The following SORCS2 variants were observed in gnomAD, a reference collection of about 807,000 sequenced individuals.
The protein encoded by SORCS2 is VPS10 domain-containing receptor SorCS2.
In SORCS2, 100 loss-of-function variants were observed where a neutral mutation model predicts 141.6. That is an observed-to-expected ratio of 0.71 (90% CI 0.60 to 0.83). The LOEUF is 0.83. Ranked by LOEUF, SORCS2 falls within the 40% of genes least tolerant of loss-of-function variation. The pLI, the probability that SORCS2 is intolerant of heterozygous loss-of-function variation, is 0.00. For missense variants in SORCS2, 1,646 were observed against 1,560.2 expected, an observed-to-expected ratio of 1.05 and a Z score of -0.93; for synonymous variants, 789 against 676.9, an observed-to-expected ratio of 1.17 and a Z score of -2.57.
chr4:7,528,051 CTG>C (rs373085711), intron 2 of SORCS2, among the ~76,000 whole-genome samples: 9 of 150,600 alleles, frequency 6.0e-5, no homozygotes, highest in Non-Finnish European at 8.9e-5. Flanking sequence ...CTGTCTCTCT[CTG>C]TCTCTCTCTC....
chr4:7,367,318 G>C (rs1163908252), intron 1 of SORCS2, among the ~76,000 whole-genome samples: 1 of 152,248 alleles, frequency 6.6e-6, no homozygotes, highest in Non-Finnish European at 1.5e-5. Flanking sequence ...ACGTCAAACA[G>C]AGTGGGGAAG....
chr4:7,434,037 C>T (rs1454448809), intron 2 of SORCS2: 3 of 1,611,438 alleles, frequency 1.9e-6, no homozygotes, highest in Non-Finnish European at 2.5e-6. Flanking sequence ...CGCTCTGTTT[C>T]CTTGGCAACC....
intron 1 of SORCS2, among the ~76,000 whole-genome samples, chr4:7,358,056 C>T (rs945172253): frequency 6.6e-6 from 1 of 152,176 alleles, no homozygotes; most frequent in Non-Finnish European, 1.5e-5. Flanking sequence ...GCTCAAGTTT[C>T]TAAGAGTGGC....
intron 2 of SORCS2, among the ~76,000 whole-genome samples, chr4:7,413,501 C>A (rs937955943): frequency 1.4e-5 from 2 of 143,100 alleles, no homozygotes; most frequent in Admixed American, 1.5e-4. Flanking sequence ...TCAAGTGATT[C>A]CCCTGCCTCA....
At chr4:7,470,269 C>T (rs1001171876) in intron 2 of SORCS2, among the ~76,000 whole-genome samples, 9 of 151,906 alleles carry the variant, frequency 5.9e-5, no homozygotes, top group Admixed American at 1.3e-4. Flanking sequence ...ATCCTCCCAT[C>T]CTGCCATCCT....
intron 1 of SORCS2, among the ~76,000 whole-genome samples, chr4:7,302,275 G>A (rs1447389520): frequency 1.3e-5 from 2 of 152,208 alleles, no homozygotes; most frequent in African/African-American, 2.4e-5. Context: ...GTGCCTGCCC[G>A]CAAGTAGCTT....
chr4:7,645,046 G>C (rs1282787574), intron 4 of SORCS2, among the ~76,000 whole-genome samples: 2 of 152,252 alleles, frequency 1.3e-5, no homozygotes, highest in African/African-American at 4.8e-5. Context: ...CGTCGTAAAC[G>C]CAAGCGCATG....
At chr4:7,248,790 C>A (rs547518101) in intron 1 of SORCS2, among the ~76,000 whole-genome samples, 1 of 152,308 alleles carries the variant, frequency 6.6e-6, no homozygotes, top group African/African-American at 2.4e-5. Context: ...GACAAATGTT[C>A]CAGAGATTGG....
chr4:7,740,303 C>G lies in SORCS2; in HGVS notation c.*39C>G, dbSNP rs368068114. 89 of 1,582,166 alleles carry G rather than the reference C, an allele frequency of 5.6e-5. No individual in the cohort carries two copies. The highest frequency in any genetic ancestry group is 4.0e-4 in the African/African-American group (30 of 74,344). On this transcript the variant is annotated 3_prime_UTR_variant, in exon 27 of 27. Transcript: ENST00000507866. ...TCTGTCTTTTCACCCACGGAGGGCA[C>G]AGAACCACCAGCAAAGCCGGCGGCT...
chr4:7,549,312 T>C (rs1040443993), intron 3 of SORCS2, among the ~76,000 whole-genome samples: 1 of 152,144 alleles, frequency 6.6e-6, no homozygotes, highest in Non-Finnish European at 1.5e-5. Context: ...GATTTGAAGC[T>C]TGAAAGGAAC....
At chr4:7,294,707 C>T (rs1179834906) in intron 1 of SORCS2, among the ~76,000 whole-genome samples, 3 of 115,778 alleles carry the variant, frequency 2.6e-5, no homozygotes, top group East Asian at 2.7e-4. Flanking sequence ...TCTCCCTCCC[C>T]TCCTCCTCTC....
intron 1 of SORCS2, among the ~76,000 whole-genome samples, chr4:7,361,128 A>G (rs553443106): frequency 1.3e-5 from 2 of 152,288 alleles, no homozygotes; most frequent in African/African-American, 2.4e-5. Context: ...TCTTCCTCAC[A>G]TAGGCCCTGT....
rs374977419 is a variant in SORCS2, at chr4:7,734,300, C to A, written c.3237C>A (p.Gly1079=). 1.1e-4 allele frequency: 171 copies of A among 1,603,290 alleles called. No individual in the cohort carries two copies. Among genetic ancestry groups the A allele is most frequent in the Non-Finnish European group, 1.4e-4 (162 of 1,176,014 alleles). Residue 1079 remains glycine (G), a synonymous_variant, in exon 25 of 27, where the codon GGC becomes GGA. Transcript: ENST00000507866. ...CTGAGCAGCTGGGCGGCGGTGGCGG[C>A]TACTGGGCGGTAGTGGTGCTGTTTG... is the stretch of plus-strand genomic sequence containing the variant. ...TGAEQLGGGG[G]YWAVVVLFVI...
intron 1 of SORCS2, among the ~76,000 whole-genome samples, chr4:7,269,590 G>A (rs184690836): frequency 0.012 from 1,870 of 152,318 alleles, 25 homozygotes; most frequent in Non-Finnish European, 0.016. Context: ...CGAAGGAGAA[G>A]GCTATGTGAA....
intron 2 of SORCS2, among the ~76,000 whole-genome samples, chr4:7,476,506 A>ATGAC (rs564711194): frequency 6.6e-6 from 1 of 152,124 alleles, no homozygotes; most frequent in African/African-American, 2.4e-5. Flanking sequence ...CAGCGCCTGG[A>ATGAC]TGACTGCTTG....
chr4:7,238,208 T>A (rs997153949), intron 1 of SORCS2, among the ~76,000 whole-genome samples: 3 of 152,184 alleles, frequency 2.0e-5, no homozygotes, highest in Non-Finnish European at 4.4e-5. Flanking sequence ...ACAATGATTT[T>A]ATTAATTTTG....
chr4:7,302,806 T>C (rs1234967756), intron 1 of SORCS2, among the ~76,000 whole-genome samples: 1 of 124,484 alleles, frequency 8.0e-6, no homozygotes, highest in Non-Finnish European at 1.9e-5. Flanking sequence ...CGTGTGTGTG[T>C]GTTTGTAGGA....
At position 7,340,961 on chromosome 4, in the gene SORCS2, A is replaced by G. The variant is rs550417034; in HGVS notation, c.481-55327A>G. 2.0e-5 allele frequency among the ~76,000 whole-genome samples: 3 copies of G among 152,340 alleles called. No homozygotes were observed. In the South Asian group the frequency reaches 6.2e-4, roughly 32 times the overall value. On this transcript the variant is annotated intron_variant, in intron 1 of 26. Coordinates refer to ENST00000507866, the MANE Select transcript of SORCS2 (RefSeq NM_020777.3). ...TTGGCCAGGCTGGACAATTGCACCC[A>G]TCCCTGCTGCATGGCCAGAGCAGCT...
intron 1 of SORCS2, among the ~76,000 whole-genome samples, chr4:7,202,742 A>G (rs1323306877): frequency 2.6e-5 from 4 of 152,200 alleles, no homozygotes; most frequent in East Asian, 1.9e-4. Context: ...TTTGCCGTGC[A>G]TATTTCTGAA....
Sources: gnomAD v4.1 joint callset for allele counts (sites outside exome capture counted in the v4.1 genomes callset) on GRCh38, gnomAD v4.1.1 for gene constraint, MANE v1.5 for transcripts, NCBI Gene and HGNC (gene_info 2026-07-23, HGNC 2026-07-21) for gene names.